PHC2: variants seen among roughly 807,000 people sequenced by gnomAD.
PHC2 encodes polyhomeotic-like protein 2.
PHC2 carries 29 observed loss-of-function variants against 87.4 expected under a neutral mutation model. The observed-to-expected ratio is 0.33, with a 90% CI of 0.25 to 0.45. The LOEUF is 0.45. Among genes scored for constraint, PHC2 ranks in the 20% least tolerant of loss-of-function variants. The pLI is 1.00. For missense variants in PHC2, 857 were observed against 1,136.7 expected (o/e 0.75, Z 3.54); for synonymous variants, 438 against 461.7 (o/e 0.95, Z 0.66).
At chr1:33,338,754 C>T (rs1646688965) in intron 9 of PHC2, among the ~76,000 whole-genome samples, 1 of 152,174 alleles carries the variant, frequency 6.6e-6, no homozygotes, top group Non-Finnish European at 1.5e-5. Flanking sequence ...GCTATAAGTG[C>T]TGCCGGGCAT....
At chr1:33,417,526 A>T (rs1434694326) in intron 1 of PHC2, among the ~76,000 whole-genome samples, 3 of 140,834 alleles carry the variant, frequency 2.1e-5, no homozygotes, top group Admixed American at 7.0e-5. Flanking sequence ...GAATATTGCC[A>T]GAAAAAAGAA....
At chr1:33,380,308 C>A (rs759372204) in intron 1 of PHC2, among the ~76,000 whole-genome samples, 54 of 152,330 alleles carry the variant, frequency 3.5e-4, no homozygotes, top group Non-Finnish European at 1.0e-4. Flanking sequence ...ACTCTGTAAC[C>A]ATTAAGCAAT....
At chr1:33,429,040 G>T (rs1650797366) in intron 1 of PHC2, among the ~76,000 whole-genome samples, 1 of 152,212 alleles carries the variant, frequency 6.6e-6, no homozygotes, top group Admixed American at 6.5e-5. Context: ...TTGACATTCA[G>T]CATTGCTTCC....
At chr1:33,325,860 G>A (rs762822453) in intron 14 of PHC2, 15 of 456,508 alleles carry the variant, frequency 3.3e-5, no homozygotes, top group Admixed American at 9.4e-5. Context: ...ACTGGCCACA[G>A]GCAGGAGCCA....
chr1:33,429,882 G>C (rs1305100110), intron 1 of PHC2, among the ~76,000 whole-genome samples: 1 of 152,218 alleles, frequency 6.6e-6, no homozygotes, highest in Non-Finnish European at 1.5e-5. Flanking sequence ...ACTCACAAAA[G>C]AAACTCTATT....
intron 9 of PHC2, among the ~76,000 whole-genome samples, chr1:33,342,345 C>T (rs1646759589): frequency 6.6e-6 from 1 of 152,214 alleles, no homozygotes; most frequent in Non-Finnish European, 1.5e-5. Context: ...CAGCCATTAC[C>T]ATACAGCTGA....
rs151239447 is a variant in PHC2 at position 33,417,831 on chromosome 1, T to C, written c.-55+13145A>G. Among the ~76,000 whole-genome samples, 1,143 of 152,214 alleles carry C rather than the reference T, an allele frequency of 7.5e-3. 11 individuals are homozygous for C. The highest frequency in any genetic ancestry group is 0.026 in the African/African-American group (1,097 of 41,550). On this transcript the variant is annotated intron_variant, in intron 1 of 14. Coordinates refer to ENST00000683057, the MANE Select transcript of PHC2 (RefSeq NM_001385109.1). ...ACAACAGAATATACATTCTGGGCCA[T>C]AAAATAAGTCTCAATAAATTTAAGA...
chr1:33,344,207 A>G (rs1169372799), intron 9 of PHC2, among the ~76,000 whole-genome samples: 1 of 152,242 alleles, frequency 6.6e-6, no homozygotes, highest in Non-Finnish European at 1.5e-5. Flanking sequence ...CTCATGGAAG[A>G]TGGATTTCTA....
At chr1:33,375,768 T>C (rs1427176553) in intron 1 of PHC2, among the ~76,000 whole-genome samples, 175 bp from the exon 2 acceptor site, 1 of 152,244 alleles carries the variant, frequency 6.6e-6, no homozygotes, top group Non-Finnish European at 1.5e-5. Context: ...TTTGTGTCAT[T>C]ATTCCCTAAC....
chr1:33,428,868 T>A (rs1231581932), intron 1 of PHC2, among the ~76,000 whole-genome samples: 1 of 152,242 alleles, frequency 6.6e-6, no homozygotes, highest in African/African-American at 2.4e-5. Flanking sequence ...ACCGCTGTTC[T>A]GCACAGCTGG....
intron 1 of PHC2, among the ~76,000 whole-genome samples, chr1:33,380,592 G>A (rs1648446119): frequency 6.6e-6 from 1 of 152,162 alleles, no homozygotes; most frequent in South Asian, 2.1e-4. Context: ...GATGAACACT[G>A]GGGTGGTTTC....
chr1:33,327,162 A>G (rs941632120), intron 14 of PHC2, among the ~76,000 whole-genome samples: 3 of 152,206 alleles, frequency 2.0e-5, no homozygotes, highest in Non-Finnish European at 4.4e-5. Context: ...GGAATGGATC[A>G]GCGACTCTTG....
chr1:33,363,880 G>A (rs1647279882), intron 7 of PHC2: 1 of 985,238 alleles, frequency 1.0e-6, no homozygotes, highest in Non-Finnish European at 1.2e-6. Flanking sequence ...CCTGCTGCCT[G>A]CCTCTCTTCT....
Position 33,354,980 on chromosome 1 carries a change from G to A in PHC2, c.1250C>T (p.Pro417Leu). 1 of 1,614,214 alleles carries A rather than the reference G, an allele frequency of 6.2e-7. No individual in the cohort carries two copies. Among genetic ancestry groups the A allele is most frequent in the Non-Finnish European group, 8.5e-7 (1 of 1,180,042 alleles). The change falls in exon 8 of 15, where the codon CCT (proline) becomes CTT (leucine). Residue 417 changes from proline (P) to leucine (L), a missense_variant. Transcript: ENST00000683057. The part of the protein sequence containing the change: ...LQCPTANLHK[P>L]GGSQQCHPPT... ...AGGGTGACACTGCTGACTGCCGCCA[G>A]GCTTGTGCAGGTTGGCAGTGGGACA...
At chr1:33,389,965 G>A (rs1648967514) in intron 1 of PHC2, among the ~76,000 whole-genome samples, 2 of 152,102 alleles carry the variant, frequency 1.3e-5, no homozygotes, top group African/African-American at 4.8e-5. Flanking sequence ...ATGAAACGTA[G>A]GTAGCTAATT....
At chr1:33,327,111 T>C (rs1463371336) in intron 14 of PHC2, among the ~76,000 whole-genome samples, 1 of 152,108 alleles carries the variant, frequency 6.6e-6, no homozygotes, top group Non-Finnish European at 1.5e-5. Flanking sequence ...TGAGTCCCAA[T>C]TGAGGAAATG....
intron 1 of PHC2, among the ~76,000 whole-genome samples, chr1:33,396,821 A>T (rs1300662232): frequency 6.6e-6 from 1 of 152,196 alleles, no homozygotes; most frequent in Non-Finnish European, 1.5e-5. Flanking sequence ...GCAAGCTGAG[A>T]TGCATTTCTT....
intron 1 of PHC2, among the ~76,000 whole-genome samples, chr1:33,414,732 T>C (rs1357645264): frequency 6.6e-6 from 1 of 152,234 alleles, no homozygotes; most frequent in East Asian, 1.9e-4. Flanking sequence ...CTAAATCTCC[T>C]AAATCCTGTT....
At chr1:33,342,657 G>A (rs964977435) in intron 9 of PHC2, among the ~76,000 whole-genome samples, 6 of 152,160 alleles carry the variant, frequency 3.9e-5, no homozygotes, top group Non-Finnish European at 8.8e-5. Context: ...TGCAGGACCA[G>A]AGTGACTTCC....
Sources: gnomAD v4.1 joint callset for allele counts (sites outside exome capture counted in the v4.1 genomes callset) on GRCh38, gnomAD v4.1.1 for gene constraint, MANE v1.5 for transcripts, NCBI Gene and HGNC (gene_info 2026-07-23, HGNC 2026-07-21) for gene names.